The following ACTR3 variants were observed in gnomAD, a reference collection of about 807,000 sequenced individuals.
The protein encoded by ACTR3 is actin related protein 3, also known as actin-related protein 3.
ACTR3 carries 12 observed loss-of-function variants against 56.8 expected under a neutral mutation model. The observed-to-expected ratio is 0.21, with a 90% CI of 0.14 to 0.34. The LOEUF is 0.34. Ranked by LOEUF, ACTR3 falls within the 10% of genes least tolerant of loss-of-function variation. The probability of loss-of-function intolerance (pLI) is 1.00; values close to 1 mark genes in which losing one functional copy is unlikely to be tolerated. For synonymous variants in ACTR3, 162 were observed against 167.4 expected (o/e 0.97, Z 0.25); for missense variants, 282 against 512.5 (o/e 0.55, Z 4.34).
intron 1 of ACTR3, among the ~76,000 whole-genome samples, chr2:113,909,855 G>GGAACAATTTTACAAT (rs1679270293): frequency 6.6e-6 from 1 of 152,056 alleles, no homozygotes; most frequent in Non-Finnish European, 1.5e-5. Context: ...TGGGCCTTTA[G>GGAACAATTTTACAAT]GAACAATTTT....
chr2:113,934,130 A>G, intron 5 of ACTR3, 149 bp from the exon 6 acceptor site: 2 of 594,226 alleles, frequency 3.4e-6, no homozygotes. Flanking sequence ...ATAATACAAA[A>G]TTAATTTTAT....
At chr2:113,955,435 C>T (rs1200423432) in intron 10 of ACTR3, 188 bp from the exon 11 acceptor site, 5 of 498,652 alleles carry the variant, frequency 1.0e-5, no homozygotes, top group Non-Finnish European at 1.8e-5. Context: ...CTGTTCCCTC[C>T]CTGTCTCTTC....
chr2:113,903,195 C>A (rs1240721433), intron 1 of ACTR3, among the ~76,000 whole-genome samples: 1 of 152,204 alleles, frequency 6.6e-6, no homozygotes, highest in East Asian at 1.9e-4. Flanking sequence ...TTATCAGGTT[C>A]TATTTTAGAT....
chr2:113,936,669 G>A (rs1318093397), intron 6 of ACTR3, among the ~76,000 whole-genome samples: 2 of 152,128 alleles, frequency 1.3e-5, no homozygotes, highest in African/African-American at 2.4e-5. Context: ...TGGTGTATTA[G>A]TTTGCTAGAA....
In ACTR3 at chr2:113,962,202, T is replaced by A. The variant is rs1680337144; in HGVS notation, c.*4747T>A. ...AGAAGTGACATTCTGCGTAAGGTAG[T>A]GGGGGATTACTAAGTGATCATGACT... On this transcript the variant is annotated 3_prime_UTR_variant, in exon 12 of 12. Transcript: ENST00000263238. 1 of 152,076 alleles carries A rather than the reference T, an allele frequency of 6.6e-6. No homozygotes were observed. Among genetic ancestry groups the A allele is most frequent in the Admixed American group, 6.6e-5 (1 of 15,254 alleles). The allele number at this position is 152,076 out of a possible 1,614,324, so 9.4% of individuals were successfully genotyped here.
chr2:113,896,495 TG>T (rs781315794), intron 1 of ACTR3, among the ~76,000 whole-genome samples: 18 of 152,080 alleles, frequency 1.2e-4, no homozygotes, highest in Non-Finnish European at 2.5e-4. Flanking sequence ...CCTGAGTGAT[TG>T]GGACAATAAG....
intron 3 of ACTR3, among the ~76,000 whole-genome samples, chr2:113,918,390 T>TC (rs955104020): frequency 1.2e-4 from 18 of 151,450 alleles, no homozygotes; most frequent in African/African-American, 3.9e-4. Flanking sequence ...TTCTTTCTTT[T>TC]TTTTTTTTTT....
At chr2:113,902,597 T>A (rs1679120847) in intron 1 of ACTR3, among the ~76,000 whole-genome samples, 1 of 147,944 alleles carries the variant, frequency 6.8e-6, no homozygotes, top group Admixed American at 6.6e-5. Context: ...ATTTTTGGTT[T>A]AGTTTTTTTT....
chr2:113,893,529 T>C (rs1471677033), intron 1 of ACTR3, among the ~76,000 whole-genome samples: 2 of 152,174 alleles, frequency 1.3e-5, no homozygotes, highest in Non-Finnish European at 2.9e-5. Flanking sequence ...CCTGACCTCG[T>C]GATCCACCCG....
chr2:113,931,039 G>A (rs1679714562), intron 4 of ACTR3, among the ~76,000 whole-genome samples: 1 of 151,460 alleles, frequency 6.6e-6, no homozygotes, highest in African/African-American at 2.4e-5. Context: ...TCTTTTTAAT[G>A]TTTAATCTGT....
intron 1 of ACTR3, among the ~76,000 whole-genome samples, chr2:113,896,948 C>G (rs1679019311): frequency 6.6e-6 from 1 of 152,162 alleles, no homozygotes; most frequent in African/African-American, 2.4e-5. Context: ...GGACTAGGAG[C>G]AGAAGTTTGG....
At chr2:113,890,043 G>T (rs2104573561), upstream of ACTR3, 2 of 596,184 alleles carry the variant, frequency 3.4e-6, no homozygotes, top group African/African-American at 1.9e-5. Flanking sequence ...AGAGAGAGGG[G>T]GAGGAGGCCG....
chr2:113,895,059 T>TCCCCCCCCCCCCCC (rs61667793), intron 1 of ACTR3, among the ~76,000 whole-genome samples: 11 of 111,360 alleles, frequency 9.9e-5, no homozygotes, highest in African/African-American at 1.7e-4. Context: ...TGGTTTAGGT[T>TCCCCCCCCCCCCCC]CCCCCCCCCC....
intron 3 of ACTR3, among the ~76,000 whole-genome samples, chr2:113,924,620 AT>A (rs1257671661): frequency 2.0e-5 from 3 of 152,298 alleles, no homozygotes; most frequent in African/African-American, 7.2e-5. Flanking sequence ...AGTCCCTTTG[AT>A]CTAGAACTGG....
At chr2:113,937,990 C>T (rs903722265) in intron 6 of ACTR3, among the ~76,000 whole-genome samples, 13 of 152,036 alleles carry the variant, frequency 8.6e-5, no homozygotes, top group African/African-American at 2.9e-4. Context: ...GGCTGCTTCA[C>T]AGTGTCTCAA....
chr2:113,927,226 C>T (rs2104605594), intron 3 of ACTR3, 119 bp from the exon 4 acceptor site: 1 of 569,954 alleles, frequency 1.8e-6, no homozygotes, highest in African/African-American at 1.9e-5. Context: ...TATAGTATCA[C>T]ACCTATGAAT....
chr2:113,899,204 C>G (rs1679057739), intron 1 of ACTR3, among the ~76,000 whole-genome samples: 1 of 152,068 alleles, frequency 6.6e-6, no homozygotes, highest in Non-Finnish European at 1.5e-5. Context: ...CTGATAAATT[C>G]AGGGCAGCTC....
chr2:113,932,734 A>G (rs768003693), intron 5 of ACTR3, among the ~76,000 whole-genome samples: 2 of 152,224 alleles, frequency 1.3e-5, no homozygotes, highest in Non-Finnish European at 2.9e-5. Context: ...GAGGAAGGAT[A>G]TCTCATAATG....
chr2:113,931,540 AT>A, intron 5 of ACTR3, 144 bp downstream of exon 5: 1 of 442,240 alleles, frequency 2.3e-6, no homozygotes, highest in Non-Finnish European at 4.0e-6. Context: ...TGAATTGTTA[AT>A]TTAGAAGTAA....
Sources: gnomAD v4.1 joint callset for allele counts (sites outside exome capture counted in the v4.1 genomes callset) on GRCh38, gnomAD v4.1.1 for gene constraint, MANE v1.5 for transcripts, NCBI Gene and HGNC (gene_info 2026-07-23, HGNC 2026-07-21) for gene names.